ANKS1A: variants seen among roughly 807,000 people sequenced by gnomAD.
ANKS1A encodes ankyrin repeat and sterile alpha motif domain containing 1A.
A neutral mutation model predicts 120.3 loss-of-function variants in ANKS1A; 55 were observed. That is an observed-to-expected ratio of 0.46 (90% CI 0.37 to 0.57). The LOEUF (loss-of-function observed/expected upper bound fraction) is 0.57, where lower values mean the gene tolerates loss of function less well. Among genes scored for constraint, ANKS1A ranks in the 20% least tolerant of loss-of-function variants. The pLI is 0.00. For missense variants in ANKS1A, 1,123 were observed against 1,480.3 expected, an observed-to-expected ratio of 0.76 and a Z score of 3.96; for synonymous variants, 590 against 604.7, an observed-to-expected ratio of 0.98 and a Z score of 0.36.
chr6:35,000,722 T>C (rs1468695675), intron 10 of ANKS1A, among the ~76,000 whole-genome samples: 1 of 152,148 alleles, frequency 6.6e-6, no homozygotes, highest in African/African-American at 2.4e-5. Context: ...CTGAGTACTA[T>C]TAAAGAAACA....
chr6:34,970,049 C>T lies in ANKS1A; in HGVS notation c.318C>T (p.Thr106=). 1 of 1,614,088 alleles carries T rather than the reference C, an allele frequency of 6.2e-7. No individual in the cohort carries two copies. The highest frequency in any genetic ancestry group is 8.5e-7 in the Non-Finnish European group (1 of 1,179,996). The change falls in exon 3 of 24, where the codon ACC becomes ACT. Residue 106 remains threonine (T), a synonymous_variant. Transcript: ENST00000360359. The part of the protein sequence containing the change: ...VEVLLRNDAL[T]NVADSKGCYP... ...TTCTTCTGAGGAACGATGCGCTGAC[C>T]AACGTGGCTGACTCAAAAGGCTGCT...
chr6:34,911,491 G>A (rs1767905605), intron 1 of ANKS1A, among the ~76,000 whole-genome samples: 1 of 152,108 alleles, frequency 6.6e-6, no homozygotes, highest in Non-Finnish European at 1.5e-5. Flanking sequence ...GTATTATTTA[G>A]CCACCCAGGC....
intron 1 of ANKS1A, among the ~76,000 whole-genome samples, chr6:34,966,253 A>G (rs528343227): frequency 2.0e-5 from 3 of 152,360 alleles, no homozygotes; most frequent in South Asian, 4.1e-4. Context: ...GAAATGGCCA[A>G]TTAAGTTTAC....
At chr6:35,063,441 A>C (rs1452681415) in intron 13 of ANKS1A, among the ~76,000 whole-genome samples, 1 of 152,266 alleles carries the variant, frequency 6.6e-6, no homozygotes, top group Non-Finnish European at 1.5e-5. Context: ...TGTTGATTGA[A>C]TAAACGATGG....
chr6:35,025,652 T>C (rs1774587589), intron 11 of ANKS1A, among the ~76,000 whole-genome samples: 1 of 152,132 alleles, frequency 6.6e-6, no homozygotes, highest in Non-Finnish European at 1.5e-5. Context: ...CTTCTATGCT[T>C]TTTTGTCTTT....
chr6:34,937,846 G>A (rs888965530), intron 1 of ANKS1A, among the ~76,000 whole-genome samples: 1 of 152,144 alleles, frequency 6.6e-6, no homozygotes, highest in African/African-American at 2.4e-5. Context: ...TCTATAGTGG[G>A]AAAACTTATT....
intron 1 of ANKS1A, among the ~76,000 whole-genome samples, chr6:34,945,234 C>T (rs973167761): frequency 2.0e-5 from 3 of 152,136 alleles, no homozygotes; most frequent in African/African-American, 7.2e-5. Flanking sequence ...CACCACCACA[C>T]CTGGCTAATT....
intron 10 of ANKS1A, among the ~76,000 whole-genome samples, chr6:35,006,885 C>G (rs1208604550): frequency 6.6e-6 from 1 of 152,112 alleles, no homozygotes; most frequent in Non-Finnish European, 1.5e-5. Context: ...TGGCTCACAC[C>G]TGTAATCCCA....
At chr6:34,893,914 G>A (rs1310994275) in intron 1 of ANKS1A, among the ~76,000 whole-genome samples, 1 of 152,094 alleles carries the variant, frequency 6.6e-6, no homozygotes, top group Non-Finnish European at 1.5e-5. Flanking sequence ...AATATAGCTT[G>A]TTAGTGAAAG....
chr6:35,016,544 A>T (rs974735239), intron 10 of ANKS1A, among the ~76,000 whole-genome samples: 4 of 152,128 alleles, frequency 2.6e-5, no homozygotes, highest in African/African-American at 7.2e-5. Context: ...CCAATTATTT[A>T]TGCTACTTCA....
intron 11 of ANKS1A, among the ~76,000 whole-genome samples, chr6:35,040,996 A>G (rs1051887912): frequency 2.6e-5 from 4 of 152,208 alleles, no homozygotes; most frequent in Non-Finnish European, 4.4e-5. Context: ...TAAGCACACA[A>G]TCCCCTTTTA....
At chr6:35,015,497 T>C (rs1367746197) in intron 10 of ANKS1A, among the ~76,000 whole-genome samples, 5 of 149,388 alleles carry the variant, frequency 3.3e-5, no homozygotes, top group Non-Finnish European at 5.9e-5. Context: ...AGACTTGGTC[T>C]CAAAAAAAAA....
intron 10 of ANKS1A, among the ~76,000 whole-genome samples, chr6:35,014,657 C>A (rs116166657): frequency 6.6e-6 from 1 of 152,300 alleles, no homozygotes; most frequent in Non-Finnish European, 1.5e-5. Flanking sequence ...CAGTTCTGAG[C>A]TGTGGTGTTT....
intron 14 of ANKS1A, 88 bp from the exon 15 acceptor site, chr6:35,079,428 T>G (rs1777542420): frequency 6.5e-7 from 1 of 1,544,826 alleles, no homozygotes; most frequent in Admixed American, 1.8e-5. Flanking sequence ...CTGGCCACAG[T>G]CTGTGTGAGC....
chr6:34,979,594 G>T (rs1039462030), intron 3 of ANKS1A, among the ~76,000 whole-genome samples: 1 of 151,248 alleles, frequency 6.6e-6, no homozygotes, highest in South Asian at 2.1e-4. Flanking sequence ...TTGTTTTTTT[G>T]GTTTTTTTTT....
intron 14 of ANKS1A, 103 bp from the exon 15 acceptor site, chr6:35,079,413 G>A (rs1488065128): frequency 3.4e-6 from 5 of 1,458,506 alleles, no homozygotes; most frequent in Non-Finnish European, 9.2e-7. Flanking sequence ...AACACAGAGG[G>A]CCCCCTGGCC....
chr6:35,008,976 T>TGG (rs1773604001), intron 10 of ANKS1A, among the ~76,000 whole-genome samples: 1 of 152,156 alleles, frequency 6.6e-6, no homozygotes, highest in African/African-American at 2.4e-5. Context: ...AGAACATGTC[T>TGG]GGAGAATGGT....
intron 1 of ANKS1A, among the ~76,000 whole-genome samples, chr6:34,942,941 T>C (rs1769605026): frequency 6.6e-6 from 1 of 151,134 alleles, no homozygotes; most frequent in Admixed American, 6.6e-5. Flanking sequence ...CCCCTCCTTT[T>C]CCTTTCCCCT....
chr6:35,008,836 A>C (rs1234116271), intron 10 of ANKS1A, among the ~76,000 whole-genome samples: 3 of 152,238 alleles, frequency 2.0e-5, no homozygotes, highest in African/African-American at 4.8e-5. Flanking sequence ...GGATGGCTTT[A>C]TTAACGAAAT....
Sources: allele counts gnomAD v4.1 joint callset (sites outside exome capture counted in the v4.1 genomes callset), GRCh38; gene constraint gnomAD v4.1.1; transcripts MANE v1.5; gene names NCBI Gene and HGNC (gene_info 2026-07-23, HGNC 2026-07-21).